Variants in EHD3 observed in about 807,000 individuals in gnomAD.
EHD3 encodes EH domain containing 3, also known as EH domain-containing protein 3.
EHD3 carries 17 observed loss-of-function variants against 43.0 expected under a neutral mutation model. The ratio of observed to expected loss-of-function variants is 0.40; its 90% CI spans 0.27 to 0.59. The LOEUF is 0.59. EHD3 is among the 20% of genes least tolerant of loss of function. EHD3 has a pLI of 0.49. For missense variants in EHD3, 594 were observed against 705.6 expected (o/e 0.84, Z 1.79); for synonymous variants, 313 against 289.5 (o/e 1.08, Z -0.82).
intron 1 of EHD3, among the ~76,000 whole-genome samples, chr2:31,241,560 G>A (rs1683424500): frequency 6.6e-6 from 1 of 152,208 alleles, no homozygotes; most frequent in Non-Finnish European, 1.5e-5. Context: ...ATTTGATGAG[G>A]AAGAGCATAG....
Position 31,266,793 on chromosome 2 carries a change from CAA to C in EHD3, c.*91_*92del, listed in dbSNP as rs60629834. On this transcript the variant is annotated 3_prime_UTR_variant, in exon 6 of 6. Coordinates refer to ENST00000322054, the MANE Select transcript of EHD3 (RefSeq NM_014600.3). The surrounding 1 kb of genome is among the most constrained non-coding windows in gnomAD (Gnocchi z 5.1). ...ACACACACACACACACACACACACA[CAA>C]ACATGCACACACACATATGCATATC... 9 of 1,245,712 alleles carry C rather than the reference CAA, an allele frequency of 7.2e-6. No homozygotes were observed. Among genetic ancestry groups the C allele is most frequent in the Middle Eastern group, 2.2e-4 (1 of 4,570 alleles). 77.2% of individuals were successfully genotyped at this position (1,245,712 alleles called of 1,614,324 possible).
intron 3 of EHD3, among the ~76,000 whole-genome samples, chr2:31,253,886 CT>C (rs1683688729): frequency 6.6e-6 from 1 of 152,150 alleles, no homozygotes. Context: ...CCCAGCCTGG[CT>C]CATTACTGGG....
chr2:31,258,242 C>A (rs796801588), intron 3 of EHD3, among the ~76,000 whole-genome samples: 6 of 152,202 alleles, frequency 3.9e-5, no homozygotes, highest in African/African-American at 1.4e-4. Flanking sequence ...TGTTAGAATT[C>A]TCTTACAGCC....
chr2:31,244,249 T>G, intron 1 of EHD3, 25 bp from the exon 2 acceptor site: 1 of 1,608,672 alleles, frequency 6.2e-7, no homozygotes, highest in Non-Finnish European at 8.5e-7. Flanking sequence ...AACGCCTGCA[T>G]TAGGACTGTG....
Position 31,261,593 on chromosome 2 carries a change from G to T in EHD3, c.960G>T (p.Ser320=), listed in dbSNP as rs147512206. The part of the protein sequence containing the change: ...IISSLKKEMP[S]VFGKDNKKKE... Reference sequence around the variant, plus strand: ...GCTCTCTGAAGAAGGAGATGCCCTCGGTGTTCGGGAAGGACAACAAGAAGA... The same window carrying T: ...GCTCTCTGAAGAAGGAGATGCCCTCTGTGTTCGGGAAGGACAACAAGAAGA... Residue 320 remains serine (S), a synonymous_variant, in exon 5 of 6, where the codon TCG becomes TCT. Coordinates refer to ENST00000322054, the MANE Select transcript of EHD3 (RefSeq NM_014600.3). 12 of 1,614,168 alleles carry T rather than the reference G, an allele frequency of 7.4e-6. No individual in the cohort carries two copies. The highest frequency in any genetic ancestry group is 9.3e-6 in the Non-Finnish European group (11 of 1,180,030).
At chr2:31,265,115 T>A (rs1034163632) in intron 5 of EHD3, among the ~76,000 whole-genome samples, 4 of 152,174 alleles carry the variant, frequency 2.6e-5, no homozygotes, top group African/African-American at 7.2e-5. Flanking sequence ...TGTCATCTCC[T>A]GTAATAACAA....
chr2:31,244,170 C>T (rs1683475969), intron 1 of EHD3, 104 bp from the exon 2 acceptor site: 4 of 1,135,840 alleles, frequency 3.5e-6, no homozygotes, highest in Middle Eastern at 3.1e-4. Context: ...GCTGCGGTGG[C>T]CCTGCCCTCC....
At position 31,266,366 on chromosome 2, in the gene EHD3, C is replaced by T. The variant is rs1050036592; in HGVS notation, c.1270C>T (p.His424Tyr). The T allele has an allele frequency of 1.2e-6, 2 of 1,614,006 alleles. No homozygotes were observed. The highest frequency in any genetic ancestry group is 1.7e-6 in the Non-Finnish European group (2 of 1,179,996). Residue 424 changes from histidine to tyrosine, a missense_variant, in exon 6 of 6, where the codon CAT becomes TAT. By Grantham distance (83) the His-to-Tyr change is moderately conservative (BLOSUM62 2). This residue lies in a region of EHD3 where 322 missense variants were observed against 348.0 expected (regional missense o/e 0.93). Coordinates refer to ENST00000322054, the MANE Select transcript of EHD3 (RefSeq NM_014600.3). The surrounding 1 kb of genome is among the most constrained non-coding windows in gnomAD (Gnocchi z 5.1). ...GGGCACCCTGCACGGCCCCTTTGGG[C>T]ATGGCTATGGGGAGGGGGCTGGAGA... ...FEGTLHGPFG[H>Y]GYGEGAGEGI...
chr2:31,259,731 C>G (rs1189197199), intron 3 of EHD3, among the ~76,000 whole-genome samples: 3 of 152,166 alleles, frequency 2.0e-5, no homozygotes, highest in African/African-American at 7.2e-5. Context: ...TGGTCTGAAC[C>G]ATCATCAGTA....
chr2:31,264,768 C>T (rs996803133), intron 5 of EHD3, among the ~76,000 whole-genome samples: 2 of 151,730 alleles, frequency 1.3e-5, no homozygotes, highest in Non-Finnish European at 2.9e-5. Flanking sequence ...CTCTTGACCT[C>T]GTGATCCGCC....
At chr2:31,261,821 C>G in intron 5 of EHD3, 108 bp downstream of exon 5, 1 of 1,351,704 alleles carries the variant, frequency 7.4e-7, no homozygotes, top group Non-Finnish European at 1.0e-6. Flanking sequence ...AGAACCCCGC[C>G]CAGAATCTGC....
chr2:31,251,671 G>A (rs551458353), intron 3 of EHD3, among the ~76,000 whole-genome samples: 2 of 152,098 alleles, frequency 1.3e-5, no homozygotes, highest in African/African-American at 4.8e-5. Flanking sequence ...CCTATCTCTG[G>A]GCTGTATGGT....
At chr2:31,241,777 T>G (rs1418218338) in intron 1 of EHD3, among the ~76,000 whole-genome samples, 5 of 152,200 alleles carry the variant, frequency 3.3e-5, no homozygotes, top group Non-Finnish European at 7.3e-5. Flanking sequence ...CCCAGGCCAC[T>G]GAGATTCACA....
chr2:31,238,114 C>T (rs544992293), intron 1 of EHD3, among the ~76,000 whole-genome samples: 1 of 152,194 alleles, frequency 6.6e-6, no homozygotes, highest in Admixed American at 6.5e-5. Context: ...TACTAAGAGT[C>T]ATATTTTGCA....
intron 3 of EHD3, among the ~76,000 whole-genome samples, chr2:31,250,187 A>G (rs1181693477): frequency 6.6e-6 from 1 of 152,144 alleles, no homozygotes; most frequent in Non-Finnish European, 1.5e-5. Context: ...CTTAAGATAA[A>G]AAGCCTTTTC....
intron 3 of EHD3, among the ~76,000 whole-genome samples, chr2:31,253,434 G>A (rs911968250): frequency 6.6e-6 from 1 of 152,148 alleles, no homozygotes; most frequent in African/African-American, 2.4e-5. Context: ...GGATAGTCCT[G>A]CCAACTATGT....
rs758741628 is a variant in EHD3 at position 31,234,658 on chromosome 2, A to C, written c.37A>C (p.Lys13Gln). The C allele has an allele frequency of 3.7e-6, 6 of 1,614,094 alleles. No individual in the cohort carries two copies. The East Asian group carries it at 1.3e-4, about 36-fold the overall frequency. Residue 13 changes from lysine to glutamine, a missense_variant, in exon 1 of 6, where the codon AAG becomes CAG. Around this residue, in one of 3 missense-constraint regions of EHD3, gnomAD observed 243 missense variants for 296.7 expected, o/e 0.82. Transcript: ENST00000322054. ...SWLGTDDRRRKDPEVFQTVSE... is the reference protein window; with the variant it reads ...SWLGTDDRRRQDPEVFQTVSE... ...GCTGGGTACGGACGACCGCCGGAGG[A>C]AGGACCCCGAGGTTTTCCAGACGGT...
At chr2:31,265,464 A>T (rs1426235406) in intron 5 of EHD3, among the ~76,000 whole-genome samples, 1 of 152,226 alleles carries the variant, frequency 6.6e-6, no homozygotes, top group East Asian at 1.9e-4. Flanking sequence ...GACCCTCGTC[A>T]TACGTGTGGT....
intron 3 of EHD3, among the ~76,000 whole-genome samples, chr2:31,251,643 G>T (rs1683637906): frequency 6.6e-6 from 1 of 152,134 alleles, no homozygotes; most frequent in African/African-American, 2.4e-5. Flanking sequence ...GGTCTTGGAA[G>T]ACTTGATCTC....
Sources: gnomAD v4.1 joint callset for allele counts (sites outside exome capture counted in the v4.1 genomes callset) on GRCh38, gnomAD v4.1.1 for gene constraint, gnomAD v4.1.1 regional missense constraint, Gnocchi (gnomAD v3.1) non-coding constraint, MANE v1.5 for transcripts, NCBI Gene and HGNC (gene_info 2026-07-23, HGNC 2026-07-21) for gene names.